CNTF: variants seen among roughly 807,000 people sequenced by gnomAD.
The protein encoded by CNTF is ciliary neurotrophic factor.
Under a neutral mutation model 13.0 loss-of-function variants are expected in CNTF, and 14 were observed. The observed-to-expected ratio is 1.07, with a 90% confidence interval of 0.71 to 1.68. The LOEUF (loss-of-function observed/expected upper bound fraction) is 1.68. Ranked by LOEUF, CNTF falls within the 40% of genes most tolerant of loss-of-function variation. The probability of loss-of-function intolerance (pLI) is 0.00; values close to 1 mark genes in which losing one functional copy is unlikely to be tolerated. For synonymous variants in CNTF, 98 were observed against 92.4 expected, an observed-to-expected ratio of 1.06 and a Z score of -0.35; for missense variants, 283 against 252.5, an observed-to-expected ratio of 1.12 and a Z score of -0.82.
Position 58,624,680 on chromosome 11 carries a change from A to G in CNTF, c.*158A>G, listed in dbSNP as rs962238840. On this transcript the variant is annotated 3_prime_UTR_variant, in exon 2 of 2. Transcript: ENST00000361987. Reference sequence around the variant, plus strand: ...CACCTGCAGCCTGTTGAAGGACTACAGGTATTTTCATCAAGTAGCGTTGGA... The same window carrying G: ...CACCTGCAGCCTGTTGAAGGACTACGGGTATTTTCATCAAGTAGCGTTGGA... 7 of 786,792 alleles carry G rather than the reference A, an allele frequency of 8.9e-6. No homozygotes were observed. In the African/African-American group the frequency reaches 1.2e-4, roughly 14 times the overall value. 48.7% of individuals were successfully genotyped at this position (786,792 alleles called of 1,614,324 possible).
rs756990672 is a variant in CNTF at position 58,622,725 on chromosome 11, T to G, written c.-28T>G. On this transcript the variant is annotated 5_prime_UTR_variant, in exon 1 of 2. Coordinates refer to ENST00000361987, the MANE Select transcript of CNTF (RefSeq NM_000614.4). Reference sequence around the variant, plus strand: ...ATAGACAGAAGTAAACCCAGCTGACTTGTTTCCTGGGACAGTTGAGTTAAG... The same window carrying G: ...ATAGACAGAAGTAAACCCAGCTGACGTGTTTCCTGGGACAGTTGAGTTAAG... The G allele has an allele frequency of 9.7e-6, 15 of 1,549,904 alleles. No homozygotes were observed. The South Asian group carries it at 1.7e-4, about 17-fold the overall frequency.
At chr11:58,623,684 C>T (rs1015048181) in intron 1 of CNTF, among the ~76,000 whole-genome samples, 1 of 152,118 alleles carries the variant, frequency 6.6e-6, no homozygotes, top group Non-Finnish European at 1.5e-5. Context: ...GTGTCTTTTA[C>T]AAGTATGTTT....
intron 1 of CNTF, 104 bp from the exon 2 acceptor site, chr11:58,623,930 C>A: frequency 1.4e-6 from 2 of 1,470,120 alleles, no homozygotes; most frequent in Non-Finnish European, 1.8e-6. Context: ...CAACTTGGAT[C>A]CTTGGCCAGA....
Position 58,624,097 on chromosome 11 carries a change from A to G in CNTF, c.178A>G (p.Ser60Gly). 1 of 1,611,926 alleles carries G rather than the reference A, an allele frequency of 6.2e-7. No homozygotes were observed. The highest frequency in any genetic ancestry group is 8.5e-7 in the Non-Finnish European group (1 of 1,178,756). The change falls in exon 2 of 2, where the codon AGC (serine) becomes GGC (glycine). Residue 60 changes from serine to glycine, a missense_variant. Ser to Gly is a moderately conservative substitution (Grantham distance 56, BLOSUM62 0). Coordinates refer to ENST00000361987, the MANE Select transcript of CNTF (RefSeq NM_000614.4). ...CTCTGCGGATGGGATGCCAGTGGCAAGCACTGATCAGTGGAGTGAGCTGAC... is the reference window on the plus strand; with the variant it reads ...CTCTGCGGATGGGATGCCAGTGGCAGGCACTGATCAGTGGAGTGAGCTGAC... The part of the protein sequence containing the change: ...LDSADGMPVA[S>G]TDQWSELTEA...
Position 58,624,313 on chromosome 11 carries a change from T to A in CNTF, c.394T>A (p.Tyr132Asn). The A allele has an allele frequency of 6.2e-7, 1 of 1,613,818 alleles. No homozygotes were observed. The highest frequency in any genetic ancestry group is 8.5e-7 in the Non-Finnish European group (1 of 1,179,970). ...AGAGGAGTTAATGATACTCCTGGAA[T>A]ACAAGATCCCCCGCAATGAGGCTGA... ...QIEELMILLEYKIPRNEADGM... is the reference protein window; with the variant it reads ...QIEELMILLENKIPRNEADGM... Residue 132 changes from tyrosine (Y) to asparagine (N), a missense_variant, in exon 2 of 2, where the codon TAC becomes AAC. Coordinates refer to ENST00000361987, the MANE Select transcript of CNTF (RefSeq NM_000614.4).
chr11:58,624,513 G>C lies in CNTF; in HGVS notation c.594G>C (p.Lys198Asn). The C allele has an allele frequency of 1.2e-6, 2 of 1,613,896 alleles. No homozygotes were observed. The highest frequency in any genetic ancestry group is 1.1e-5 in the South Asian group (1 of 91,054). ...GGAGCCATTATATTGCTAACAACAA[G>C]AAAATGTAGCAGTTAGTCCCTTCTC... ...ARGSHYIANN[K>N]KM Residue 198 changes from lysine (K) to asparagine (N), a missense_variant, in exon 2 of 2, where the codon AAG becomes AAC. Transcript: ENST00000361987.
chr11:58,624,604 A>G lies in CNTF; in HGVS notation c.*82A>G. 1 of 1,541,094 alleles carries G rather than the reference A, an allele frequency of 6.5e-7. No homozygotes were observed. Among genetic ancestry groups the G allele is most frequent in the Non-Finnish European group, 8.8e-7 (1 of 1,130,578 alleles). Reference sequence around the variant, plus strand: ...CTGGGGCCTCGCTTTCCCATCTTAAATTTCTAAAAACAGTTAAGACAACAG... The same window carrying G: ...CTGGGGCCTCGCTTTCCCATCTTAAGTTTCTAAAAACAGTTAAGACAACAG... On this transcript the variant is annotated 3_prime_UTR_variant, in exon 2 of 2. Transcript: ENST00000361987.
At chr11:58,623,703 T>C (rs1855885719) in intron 1 of CNTF, among the ~76,000 whole-genome samples, 1 of 152,250 alleles carries the variant, frequency 6.6e-6, no homozygotes, top group African/African-American at 2.4e-5. Flanking sequence ...TTAAAAATAC[T>C]TTAATATGAT....
At position 58,622,675 on chromosome 11, in the gene CNTF, A is replaced by C; in HGVS notation, c.-78A>C. The stretch of plus-strand genomic sequence containing the variant: ...ATGCCCAGTGGGTTTAGTCTTTGAG[A>C]GTCACATCTCTTATTTGGACCAGTA... On this transcript the variant is annotated 5_prime_UTR_variant, in exon 1 of 2. Coordinates refer to ENST00000361987, the MANE Select transcript of CNTF (RefSeq NM_000614.4). 1 of 1,042,954 alleles carries C rather than the reference A, an allele frequency of 9.6e-7. No homozygotes were observed. Among genetic ancestry groups the C allele is most frequent in the East Asian group, 2.5e-5 (1 of 40,682 alleles). 64.6% of individuals were successfully genotyped at this position (1,042,954 alleles called of 1,614,324 possible). A position where few individuals can be genotyped will look rare whatever the true frequency, so the allele number is the denominator to read the frequency against.
Position 58,625,697 on chromosome 11 carries a change from GA to G in CNTF, c.*1178del, listed in dbSNP as rs755168074. ...TCCTACTGGAGATACCAGAGACTCT[GA>G]AACTATAGAATAAAGCCTCTGTGCT... On this transcript the variant is annotated 3_prime_UTR_variant, in exon 2 of 2. Transcript: ENST00000361987. 12 of 152,168 alleles carry G rather than the reference GA, an allele frequency of 7.9e-5. No homozygotes were observed. The highest frequency in any genetic ancestry group is 3.9e-4 in the Admixed American group (6 of 15,268). 9.4% of individuals were successfully genotyped at this position (152,168 alleles called of 1,614,324 possible). A position where few individuals can be genotyped will look rare whatever the true frequency, so the allele number is the denominator to read the frequency against.
Position 58,622,782 on chromosome 11 carries a change from C to T in CNTF, c.30C>T (p.Thr10=). The change falls in exon 1 of 2, where the codon ACC becomes ACT. Residue 10 remains threonine, a synonymous_variant. Coordinates refer to ENST00000361987, the MANE Select transcript of CNTF (RefSeq NM_000614.4). The part of the protein sequence containing the change: MAFTEHSPL[T]PHRRDLCSRS... ...CTTTCACAGAGCATTCACCGCTGAC[C>T]CCTCACCGTCGGGACCTCTGTAGCC... 6.2e-7 allele frequency: 1 copy of T among 1,613,926 alleles called. No homozygotes were observed. The highest frequency in any genetic ancestry group is 1.1e-5 in the South Asian group (1 of 91,064).
In CNTF at chr11:58,624,110, G is replaced by A; in HGVS notation, c.191G>A (p.Trp64Ter). 2 of 1,612,460 alleles carry A rather than the reference G, an allele frequency of 1.2e-6. No individual in the cohort carries two copies. The highest frequency in any genetic ancestry group is 1.7e-6 in the Non-Finnish European group (2 of 1,179,046). ...DGMPVASTDQ[W>*]SELTEAERLQ... The stretch of plus-strand genomic sequence containing the variant: ...ATGCCAGTGGCAAGCACTGATCAGT[G>A]GAGTGAGCTGACCGAGGCAGAGCGA... Residue 64 changes from tryptophan to a stop codon, truncating the protein, a stop_gained, in exon 2 of 2, where the codon TGG becomes TAG. Coordinates refer to ENST00000361987, the MANE Select transcript of CNTF (RefSeq NM_000614.4). LOFTEE classifies it high-confidence loss of function.
intron 1 of CNTF, 25 bp from the exon 2 acceptor site, chr11:58,624,006 TGTG>T (rs778472166): frequency 3.2e-5 from 51 of 1,607,682 alleles, no homozygotes; most frequent in Admixed American, 8.5e-5. Context: ...TGACAGAAGA[TGTG>T]GTGTTTTCCT....
At chr11:58,623,855 C>T (rs1855887480) in intron 1 of CNTF, among the ~76,000 whole-genome samples, 179 bp from the exon 2 acceptor site, 1 of 152,104 alleles carries the variant, frequency 6.6e-6, no homozygotes, top group African/African-American at 2.4e-5. Context: ...AGTATTGGGT[C>T]TTTCTAAAGT....
At position 58,625,526 on chromosome 11, in the gene CNTF, C is replaced by T. The variant is rs1855918877; in HGVS notation, c.*1004C>T. The T allele has an allele frequency of 6.6e-6, 1 of 152,128 alleles. No individual in the cohort carries two copies. Among genetic ancestry groups the T allele is most frequent in the Admixed American group, 6.5e-5 (1 of 15,282 alleles). 9.4% of individuals were successfully genotyped at this position (152,128 alleles called of 1,614,324 possible). On this transcript the variant is annotated 3_prime_UTR_variant, in exon 2 of 2. Transcript: ENST00000361987. The stretch of plus-strand genomic sequence containing the variant: ...AATATTGGGTTGGGCACGGCTTATA[C>T]CAGGTTACCTCACTTTTAATTAGTG...
rs1386351660 is a variant in CNTF at position 58,622,689 on chromosome 11, T to C, written c.-64T>C. ...TAGTCTTTGAGAGTCACATCTCTTA[T>C]TTGGACCAGTATAGACAGAAGTAAA... On this transcript the variant is annotated 5_prime_UTR_variant, in exon 1 of 2. Coordinates refer to ENST00000361987, the MANE Select transcript of CNTF (RefSeq NM_000614.4). 96 of 1,192,478 alleles carry C rather than the reference T, an allele frequency of 8.1e-5. No individual in the cohort carries two copies. Among genetic ancestry groups the C allele is most frequent in the South Asian group, 1.2e-5 (1 of 80,080 alleles). 73.9% of individuals were successfully genotyped at this position (1,192,478 alleles called of 1,614,324 possible). A position where few individuals can be genotyped will look rare whatever the true frequency, so the allele number is the denominator to read the frequency against.
Position 58,622,838 on chromosome 11 carries a change from C to G in CNTF, c.86C>G (p.Ser29Ter). ...RSIWLARKIR[S>*]DLTALTESYV... ...ATCTGGCTAGCAAGGAAGATTCGTTCAGACCTGACTGCTCTTACGGAATCC... is the reference window on the plus strand; with the variant it reads ...ATCTGGCTAGCAAGGAAGATTCGTTGAGACCTGACTGCTCTTACGGAATCC... Residue 29 changes from serine to a stop codon, truncating the protein, a stop_gained, in exon 1 of 2, where the codon TCA becomes TGA. Transcript: ENST00000361987. LOFTEE classifies it high-confidence loss of function. 1 of 1,613,888 alleles carries G rather than the reference C, an allele frequency of 6.2e-7. No homozygotes were observed. Among genetic ancestry groups the G allele is most frequent in the Non-Finnish European group, 8.5e-7 (1 of 1,179,830 alleles).
At position 58,624,550 on chromosome 11, in the gene CNTF, T is replaced by G. The variant is rs1855903234; in HGVS notation, c.*28T>G. The G allele has an allele frequency of 1.2e-6, 2 of 1,610,828 alleles. No homozygotes were observed. Among genetic ancestry groups the G allele is most frequent in the Admixed American group, 1.7e-5 (1 of 59,992 alleles). Reference sequence around the variant, plus strand: ...GTTAGTCCCTTCTCTCTTCCTTGCTTTCTCTTCTAATGGAATATGCGTAGT... The same window carrying G: ...GTTAGTCCCTTCTCTCTTCCTTGCTGTCTCTTCTAATGGAATATGCGTAGT... On this transcript the variant is annotated 3_prime_UTR_variant, in exon 2 of 2. Transcript: ENST00000361987.
In CNTF at chr11:58,623,997, G is replaced by A. The variant is rs773187953; in HGVS notation, c.115-37G>A. ...GGTGATTTAAGGACACTGGGGTGAT[G>A]ACAGAAGATGTGGTGTTTTCCTGTA... On this transcript the variant is annotated intron_variant, in intron 1 of 1. Coordinates refer to ENST00000361987, the MANE Select transcript of CNTF (RefSeq NM_000614.4). The A allele has an allele frequency of 5.6e-6, 9 of 1,604,364 alleles. No individual in the cohort carries two copies. The South Asian group carries it at 6.7e-5, about 12-fold the overall frequency.
Sources: gnomAD v4.1 joint callset for allele counts (sites outside exome capture counted in the v4.1 genomes callset) on GRCh38, gnomAD v4.1.1 for gene constraint, MANE v1.5 for transcripts, NCBI Gene and HGNC (gene_info 2026-07-23, HGNC 2026-07-21) for gene names.